The following PLEKHM2 variants were observed in gnomAD, a reference collection of about 807,000 sequenced individuals.
PLEKHM2 encodes the protein pleckstrin homology domain-containing family M member 2.
Under a neutral mutation model 116.3 loss-of-function variants are expected in PLEKHM2, and 77 were observed. That is an observed-to-expected ratio of 0.66 (90% confidence interval 0.55 to 0.80). PLEKHM2 has a LOEUF of 0.80. Among genes scored for constraint, PLEKHM2 ranks in the 30% least tolerant of loss-of-function variants. The pLI, the probability that PLEKHM2 is intolerant of heterozygous loss-of-function variation, is 0.00. For missense variants in PLEKHM2, 1,183 were observed against 1,354.9 expected, an observed-to-expected ratio of 0.87 and a Z score of 1.99; for synonymous variants, 562 against 571.0, an observed-to-expected ratio of 0.98 and a Z score of 0.22.
intron 1 of PLEKHM2, among the ~76,000 whole-genome samples, chr1:15,702,973 C>T (rs529978540): frequency 4.6e-5 from 7 of 152,256 alleles, no homozygotes; most frequent in Admixed American, 6.5e-5. Context: ...GCAATACTCC[C>T]GCTGACTCAG....
chr1:15,690,361 TGA>T (rs1640865828), intron 1 of PLEKHM2, among the ~76,000 whole-genome samples: 1 of 152,194 alleles, frequency 6.6e-6, no homozygotes, highest in Admixed American at 6.5e-5. Context: ...CCGGCTTCAG[TGA>T]GAGTCTTATA....
chr1:15,691,082 T>G lies in PLEKHM2; in HGVS notation c.60+6464T>G, dbSNP rs186694917. On this transcript the variant is annotated intron_variant, in intron 1 of 19. Coordinates refer to ENST00000375799, the MANE Select transcript of PLEKHM2 (RefSeq NM_015164.4). ...AAAATGATTCTTTTTGTGTGTGTGT[T>G]TGTTTGAGACAGGGTTTCACTCTGT... Among the ~76,000 whole-genome samples, 33 of 152,274 alleles carry G rather than the reference T, an allele frequency of 2.2e-4. No individual in the cohort carries two copies. The East Asian group carries it at 5.0e-3, about 23-fold the overall frequency.
rs200715563 is a variant in PLEKHM2, at chr1:15,727,421, C to T, written c.1349C>T (p.Pro450Leu). 84 of 1,606,072 alleles carry T rather than the reference C, an allele frequency of 5.2e-5. No individual in the cohort carries two copies. The African/African-American group carries it at 5.7e-4, about 11-fold the overall frequency. The change falls in exon 9 of 20, where the codon CCG (proline) becomes CTG (leucine). Residue 450 changes from proline (P) to leucine (L), a missense_variant. By Grantham distance (98) the Pro-to-Leu change is moderately conservative. Coordinates refer to ENST00000375799, the MANE Select transcript of PLEKHM2 (RefSeq NM_015164.4). This position sits in a 1 kb window ranked among gnomAD's most constrained non-coding sequence, Gnocchi z 7.5. ...CCCGGGGATGCCCCGGAGAGGCCGCCGCTTTGCGACTTTAGTGAGGGGCTT... is the reference window on the plus strand; with the variant it reads ...CCCGGGGATGCCCCGGAGAGGCCGCTGCTTTGCGACTTTAGTGAGGGGCTT... ...GSPGDAPERP[P>L]LCDFSEGLSA...
chr1:15,703,013 A>G (rs971436884), intron 1 of PLEKHM2, among the ~76,000 whole-genome samples: 1 of 152,176 alleles, frequency 6.6e-6, no homozygotes, highest in Non-Finnish European at 1.5e-5. Context: ...TACAGGCGTG[A>G]GCCACAGCGC....
chr1:15,733,549 G>C (rs1419325775), intron 19 of PLEKHM2, among the ~76,000 whole-genome samples: 1 of 152,260 alleles, frequency 6.6e-6, no homozygotes, highest in South Asian at 2.1e-4. Flanking sequence ...CGCCTGCCTC[G>C]CTGGGCCATC....
At chr1:15,726,466 GT>G (rs1293525196) in intron 8 of PLEKHM2, among the ~76,000 whole-genome samples, 1 of 152,220 alleles carries the variant, frequency 6.6e-6, no homozygotes, top group Non-Finnish European at 1.5e-5. Context: ...CCATGGGCTG[GT>G]TCCAGTCCAC....
chr1:15,699,060 C>T (rs1020643509), intron 1 of PLEKHM2, among the ~76,000 whole-genome samples: 1 of 152,104 alleles, frequency 6.6e-6, no homozygotes, highest in African/African-American at 2.4e-5. Flanking sequence ...CGCAGTGGCT[C>T]ATGCCTGTAA....
intron 1 of PLEKHM2, among the ~76,000 whole-genome samples, chr1:15,706,549 G>A (rs1441846909): frequency 2.0e-5 from 3 of 152,138 alleles, no homozygotes; most frequent in Non-Finnish European, 4.4e-5. Flanking sequence ...GGGATTACAG[G>A]TGTGCGCCAC....
chr1:15,693,168 G>A (rs1640922712), intron 1 of PLEKHM2, among the ~76,000 whole-genome samples: 1 of 151,018 alleles, frequency 6.6e-6, no homozygotes, highest in South Asian at 2.1e-4. Context: ...AGCCTCCTGA[G>A]TAGCTAGGAT....
At chr1:15,686,647 AATTTTTTT>A (rs991160197) in intron 1 of PLEKHM2, among the ~76,000 whole-genome samples, 6 of 140,946 alleles carry the variant, frequency 4.3e-5, no homozygotes, top group African/African-American at 1.8e-4. Context: ...CACCCGGCTA[AATTTTTTT>A]TTTTTTTTTT....
At chr1:15,709,577 T>G (rs1641289350) in intron 1 of PLEKHM2, among the ~76,000 whole-genome samples, 1 of 151,910 alleles carries the variant, frequency 6.6e-6, no homozygotes, top group Non-Finnish European at 1.5e-5. Context: ...GGTTAGAGAG[T>G]TAAGTAATTT....
intron 1 of PLEKHM2, among the ~76,000 whole-genome samples, chr1:15,713,284 T>G (rs1641372976): frequency 6.6e-6 from 1 of 152,108 alleles, no homozygotes; most frequent in African/African-American, 2.4e-5. Context: ...TTCTTTCTTT[T>G]TTTTCTTTTT....
intron 1 of PLEKHM2, among the ~76,000 whole-genome samples, chr1:15,709,731 T>C (rs1228035952): frequency 1.3e-5 from 2 of 152,174 alleles, no homozygotes; most frequent in Non-Finnish European, 2.9e-5. Context: ...CACAGATTGC[T>C]TCCTAACTCA....
chr1:15,728,425 C>A lies in PLEKHM2; in HGVS notation c.1921+68C>A. The A allele has an allele frequency of 7.1e-7, 1 of 1,416,464 alleles. No individual in the cohort carries two copies. Among genetic ancestry groups the A allele is most frequent in the South Asian group, 1.3e-5 (1 of 79,648 alleles). 87.7% of individuals were successfully genotyped at this position (1,416,464 alleles called of 1,614,324 possible). A position where few individuals can be genotyped will look rare whatever the true frequency, so the allele number is the denominator to read the frequency against. ...TGACTCTCAGCCCCTTTTCCCCAGT[C>A]CCCTTGCCCTCTGAGTGCCTCCCGG... is the stretch of plus-strand genomic sequence containing the variant. On this transcript the variant is annotated intron_variant, in intron 11 of 19. Transcript: ENST00000375799. This position sits in a 1 kb window ranked among gnomAD's most constrained non-coding sequence, Gnocchi z 5.9.
intron 1 of PLEKHM2, among the ~76,000 whole-genome samples, chr1:15,713,397 A>T (rs1050259528): frequency 6.6e-6 from 1 of 151,890 alleles, no homozygotes; most frequent in South Asian, 2.1e-4. Context: ...CTTTATACAC[A>T]CCTCTGTGTT....
chr1:15,685,712 A>G (rs1640757861), intron 1 of PLEKHM2, among the ~76,000 whole-genome samples: 1 of 152,226 alleles, frequency 6.6e-6, no homozygotes, highest in Non-Finnish European at 1.5e-5. Context: ...CTCAAAAGCA[A>G]CACAGGCAAG....
Position 15,732,543 on chromosome 1 carries a change from G to T in PLEKHM2, c.2805+14G>T. 6.2e-7 allele frequency: 1 copy of T among 1,607,910 alleles called. No homozygotes were observed. The highest frequency in any genetic ancestry group is 8.5e-7 in the Non-Finnish European group (1 of 1,177,328). ...TACTGCGTCTTGGTGAGCTTTGAGT[G>T]GGGGCGGGGCTGCAAGGCCTGCAGA... On this transcript the variant is annotated intron_variant, in intron 18 of 19. Coordinates refer to ENST00000375799, the MANE Select transcript of PLEKHM2 (RefSeq NM_015164.4).
intron 1 of PLEKHM2, among the ~76,000 whole-genome samples, chr1:15,695,543 C>T (rs753328664): frequency 5.9e-5 from 9 of 152,066 alleles, no homozygotes; most frequent in East Asian, 5.8e-4. Context: ...GACAGAGTTT[C>T]GCTCTTTCAC....
chr1:15,691,324 G>A (rs553187455), intron 1 of PLEKHM2, among the ~76,000 whole-genome samples: 26 of 152,212 alleles, frequency 1.7e-4, no homozygotes, highest in African/African-American at 5.3e-4. Flanking sequence ...CTCCCACCTC[G>A]GCCTGCATAA....
Sources: gnomAD v4.1 joint callset for allele counts (sites outside exome capture counted in the v4.1 genomes callset) on GRCh38, gnomAD v4.1.1 for gene constraint, Gnocchi (gnomAD v3.1) non-coding constraint, MANE v1.5 for transcripts, NCBI Gene and HGNC (gene_info 2026-07-23, HGNC 2026-07-21) for gene names.